Variants in NELL2 observed in about 807,000 individuals in gnomAD.
The protein encoded by NELL2 is neural EGFL like 2.
In NELL2, 41 loss-of-function variants were observed where a neutral mutation model predicts 109.6. The ratio of observed to expected loss-of-function variants is 0.37; its 90% CI spans 0.29 to 0.49. The LOEUF is 0.49. NELL2 is among the 20% of genes least tolerant of loss of function. The probability of loss-of-function intolerance (pLI) is 0.98; values close to 1 mark genes in which losing one functional copy is unlikely to be tolerated. For synonymous variants in NELL2, 355 were observed against 344.7 expected (o/e 1.03, Z -0.33); for missense variants, 900 against 1,008.3 (o/e 0.89, Z 1.45).
chr12:44,719,712 T>C (rs1215390844), intron 9 of NELL2, among the ~76,000 whole-genome samples: 1 of 152,158 alleles, frequency 6.6e-6, no homozygotes, highest in Non-Finnish European at 1.5e-5. Flanking sequence ...GAGTTTTATA[T>C]AGTAGTAGCT....
At chr12:44,575,482 T>C (rs1467782042) in intron 15 of NELL2, among the ~76,000 whole-genome samples, 2 of 152,352 alleles carry the variant, frequency 1.3e-5, no homozygotes, top group South Asian at 2.1e-4. Context: ...CAGAGAGATA[T>C]GGAGCCAAAA....
At chr12:44,886,333 T>G (rs1288981000) in intron 1 of NELL2, among the ~76,000 whole-genome samples, 1 of 151,786 alleles carries the variant, frequency 6.6e-6, no homozygotes. Flanking sequence ...AATCGAGAAA[T>G]TATACTTCAT....
intron 1 of NELL2, among the ~76,000 whole-genome samples, chr12:44,899,741 G>C (rs1196281479): frequency 6.6e-6 from 1 of 152,124 alleles, no homozygotes; most frequent in Non-Finnish European, 1.5e-5. Flanking sequence ...AAAATGACAG[G>C]ACCAAATTCA....
At chr12:44,587,806 C>T (rs1482487505) in intron 15 of NELL2, among the ~76,000 whole-genome samples, 1 of 152,128 alleles carries the variant, frequency 6.6e-6, no homozygotes, top group Non-Finnish European at 1.5e-5. Context: ...CCTTGATGGT[C>T]ACCAATCTAT....
intron 12 of NELL2, among the ~76,000 whole-genome samples, chr12:44,687,246 G>T (rs1327174926): frequency 1.4e-5 from 2 of 146,884 alleles, no homozygotes; most frequent in Non-Finnish European, 3.1e-5. Flanking sequence ...GTGAGGCAAT[G>T]CCGCGCCCTG....
intron 9 of NELL2, among the ~76,000 whole-genome samples, chr12:44,746,990 T>C (rs570305765): frequency 6.1e-4 from 93 of 152,184 alleles, no homozygotes; most frequent in Admixed American, 1.2e-3. Context: ...CTATAAAGAC[T>C]CATGCACACG....
chr12:44,806,779 A>G (rs1943015396), intron 3 of NELL2, among the ~76,000 whole-genome samples: 1 of 151,916 alleles, frequency 6.6e-6, no homozygotes, highest in East Asian at 1.9e-4. Context: ...AAAAACTACA[A>G]TATGAAAATC....
chr12:44,754,883 T>C (rs10880670), intron 9 of NELL2, among the ~76,000 whole-genome samples: 107,716 of 152,024 alleles, frequency 0.71, 38,361 homozygotes, highest in Non-Finnish European at 0.74. Context: ...TTTTTTCCAT[T>C]AAGATTTACT....
intron 17 of NELL2, among the ~76,000 whole-genome samples, chr12:44,522,457 T>C (rs1342321248): frequency 6.6e-6 from 1 of 152,210 alleles, no homozygotes; most frequent in Non-Finnish European, 1.5e-5. Flanking sequence ...ACTGTGTATA[T>C]AAATGTCTTC....
In NELL2 at chr12:44,732,451, TG is replaced by T. The variant is rs1939419535; in HGVS notation, c.995-17711del. 2.6e-5 allele frequency among the ~76,000 whole-genome samples: 4 copies of T among 151,806 alleles called. No individual in the cohort carries two copies. In the South Asian group the frequency reaches 8.3e-4, roughly 32 times the overall value. ...CAACAAGAATACTAAGAATACACAA[TG>T]GGGAAAAGATAGTCTCTTCAACAAG... On this transcript the variant is annotated intron_variant, in intron 9 of 19. Coordinates refer to ENST00000429094, the MANE Select transcript of NELL2 (RefSeq NM_001145108.2).
At chr12:44,685,491 T>C (rs141187676) in intron 12 of NELL2, among the ~76,000 whole-genome samples, 19,335 of 152,138 alleles carry the variant, frequency 0.13, 1,458 homozygotes, top group East Asian at 0.21. Flanking sequence ...CGCTAGTTGA[T>C]GCAGTTTCTT....
At chr12:44,872,422 G>A (rs1191219005) in intron 2 of NELL2, among the ~76,000 whole-genome samples, 1 of 151,992 alleles carries the variant, frequency 6.6e-6, no homozygotes, top group Non-Finnish European at 1.5e-5. Context: ...TACTATAGTT[G>A]CTATTATTAT....
chr12:44,876,603 T>C (rs1026533229), upstream of NELL2: 93 of 1,548,904 alleles, frequency 6.0e-5, no homozygotes, highest in Admixed American at 1.6e-4. Context: ...GTCTTTGCTC[T>C]CACCCCTCGA....
At chr12:44,564,173 T>G (rs574774167) in intron 15 of NELL2, among the ~76,000 whole-genome samples, 1 of 152,286 alleles carries the variant, frequency 6.6e-6, no homozygotes, top group East Asian at 1.9e-4. Flanking sequence ...TTACCTATAG[T>G]TTTTAGTGAG....
At chr12:44,824,978 G>C (rs1025647740) in intron 2 of NELL2, among the ~76,000 whole-genome samples, 6 of 152,018 alleles carry the variant, frequency 3.9e-5, no homozygotes, top group Non-Finnish European at 8.8e-5. Flanking sequence ...CCAAAATGCT[G>C]GGATTACAGG....
At chr12:44,680,276 A>G (rs1266580226) in intron 12 of NELL2, among the ~76,000 whole-genome samples, 5 of 152,146 alleles carry the variant, frequency 3.3e-5, no homozygotes, top group Non-Finnish European at 5.9e-5. Context: ...TTGCATTGTT[A>G]GTTTTGACAA....
chr12:44,722,982 A>T (rs919245901), intron 9 of NELL2, among the ~76,000 whole-genome samples: 2 of 152,034 alleles, frequency 1.3e-5, no homozygotes, highest in African/African-American at 4.8e-5. Context: ...AGTTCAGGAG[A>T]TTGAGACCAT....
chr12:44,708,239 T>C (rs1226746045), intron 11 of NELL2, among the ~76,000 whole-genome samples: 3 of 152,216 alleles, frequency 2.0e-5, no homozygotes, highest in African/African-American at 7.2e-5. Flanking sequence ...GCTACATTTC[T>C]TCTGATCTGC....
At chr12:44,852,904 C>A (rs1344128403) in intron 2 of NELL2, among the ~76,000 whole-genome samples, 1 of 152,102 alleles carries the variant, frequency 6.6e-6, no homozygotes, top group East Asian at 1.9e-4. Flanking sequence ...CTATGAGATG[C>A]TTTATTGTAG....
Sources: allele counts gnomAD v4.1 joint callset (sites outside exome capture counted in the v4.1 genomes callset), GRCh38; gene constraint gnomAD v4.1.1; transcripts MANE v1.5; gene names NCBI Gene and HGNC (gene_info 2026-07-23, HGNC 2026-07-21).